Variants in EYA4 observed in about 807,000 individuals in gnomAD.
EYA4 encodes EYA transcriptional coactivator and phosphatase 4.
EYA4 carries 31 observed loss-of-function variants against 87.9 expected under a neutral mutation model. That is an observed-to-expected ratio of 0.35 (90% CI 0.27 to 0.48). The LOEUF (loss-of-function observed/expected upper bound fraction) is 0.48. EYA4 is among the 20% of genes least tolerant of loss of function. The probability of loss-of-function intolerance (pLI) is 0.99; values close to 1 mark genes in which losing one functional copy is unlikely to be tolerated. For missense variants in EYA4, 678 were observed against 761.4 expected, an observed-to-expected ratio of 0.89 and a Z score of 1.29; for synonymous variants, 263 against 270.6, an observed-to-expected ratio of 0.97 and a Z score of 0.28.
chr6:133,508,803 T>C (rs544857364), intron 14 of EYA4, among the ~76,000 whole-genome samples: 1 of 152,300 alleles, frequency 6.6e-6, no homozygotes, highest in South Asian at 2.1e-4. Context: ...TCAGGTACTA[T>C]GTTATATGTA....
chr6:133,325,976 C>A (rs1426272431), intron 2 of EYA4, among the ~76,000 whole-genome samples: 1 of 152,060 alleles, frequency 6.6e-6, no homozygotes, highest in African/African-American at 2.4e-5. Flanking sequence ...CTACAGGTTC[C>A]TGTTTGTTCC....
At chr6:133,478,160 A>ACTGT (rs750798451) in intron 11 of EYA4, among the ~76,000 whole-genome samples, 6 of 152,142 alleles carry the variant, frequency 3.9e-5, no homozygotes, top group Non-Finnish European at 7.4e-5. Context: ...GTAAATTAAT[A>ACTGT]CTGTCTTTAA....
intron 2 of EYA4, among the ~76,000 whole-genome samples, chr6:133,302,581 G>T (rs1779495387): frequency 6.6e-6 from 1 of 152,254 alleles, no homozygotes; most frequent in African/African-American, 2.4e-5. Context: ...CTTAGCTTCT[G>T]CAATGAAGTT....
chr6:133,409,567 T>G (rs1789025997), intron 3 of EYA4, among the ~76,000 whole-genome samples: 2 of 152,200 alleles, frequency 1.3e-5, no homozygotes, highest in South Asian at 4.1e-4. Context: ...AGAGGGCTAT[T>G]AAGCTGTTGA....
At chr6:133,299,955 CTATA>C (rs1016744513) in intron 2 of EYA4, among the ~76,000 whole-genome samples, 1,149 of 106,212 alleles carry the variant, frequency 0.011, 11 homozygotes, top group African/African-American at 0.023. Flanking sequence ...ATCTATCTAT[CTATA>C]TATATATATA....
At chr6:133,514,459 A>G (rs1431012922) in intron 16 of EYA4, among the ~76,000 whole-genome samples, 2 of 152,210 alleles carry the variant, frequency 1.3e-5, no homozygotes. Context: ...TAGAAACTTT[A>G]AACAACCACG....
At position 133,411,301 on chromosome 6, in the gene EYA4, A is replaced by C. The variant is rs184810164; in HGVS notation, c.83+28860A>C. ...GCAGTGCTGAGTGAAATAGTTAATA[A>C]ATTTTTATGGAGCGGGACCCAATTA... On this transcript the variant is annotated intron_variant, in intron 3 of 19. Transcript: ENST00000355286. Among the ~76,000 whole-genome samples the C allele has an allele frequency of 2.6e-5, 4 of 152,250 alleles. No individual in the cohort carries two copies. In the East Asian group the frequency reaches 7.7e-4, roughly 29 times the overall value.
chr6:133,383,784 G>T (rs1042399308), intron 3 of EYA4, among the ~76,000 whole-genome samples: 1 of 151,958 alleles, frequency 6.6e-6, no homozygotes, highest in Non-Finnish European at 1.5e-5. Context: ...TATCAAAATG[G>T]AACTAACTAA....
At chr6:133,413,301 A>G (rs1335530670) in intron 3 of EYA4, among the ~76,000 whole-genome samples, 4 of 152,056 alleles carry the variant, frequency 2.6e-5, no homozygotes, top group Non-Finnish European at 5.9e-5. Flanking sequence ...CCTGACTCCC[A>G]CTTCACGGAT....
intron 19 of EYA4, chr6:133,526,078 A>T (rs1800609147): frequency 4.6e-6 from 1 of 215,116 alleles, no homozygotes. Flanking sequence ...ATTAAAAACC[A>T]TTAAATGGTT....
chr6:133,393,292 T>C (rs1787464187), intron 3 of EYA4, among the ~76,000 whole-genome samples: 1 of 152,150 alleles, frequency 6.6e-6, no homozygotes, highest in Admixed American at 6.5e-5. Flanking sequence ...ATTCTCCCCC[T>C]TAAAGGTACT....
intron 2 of EYA4, among the ~76,000 whole-genome samples, chr6:133,358,481 A>G (rs1184302323): frequency 1.3e-5 from 2 of 152,236 alleles, no homozygotes; most frequent in Non-Finnish European, 2.9e-5. Context: ...ATTCACAGTG[A>G]AAAGGAATCA....
chr6:133,271,163 G>C (rs761994918), intron 1 of EYA4, among the ~76,000 whole-genome samples: 2 of 152,116 alleles, frequency 1.3e-5, no homozygotes, highest in Non-Finnish European at 2.9e-5. Flanking sequence ...GAGAGACAGT[G>C]CCATATATTG....
intron 2 of EYA4, among the ~76,000 whole-genome samples, chr6:133,365,225 C>G (rs1310986250): frequency 6.6e-6 from 1 of 152,162 alleles, no homozygotes; most frequent in East Asian, 1.9e-4. Context: ...AACCTTGTAT[C>G]CTTGAGTCTT....
At chr6:133,264,570 T>G (rs1296374702) in intron 1 of EYA4, among the ~76,000 whole-genome samples, 1 of 152,150 alleles carries the variant, frequency 6.6e-6, no homozygotes, top group Non-Finnish European at 1.5e-5. Flanking sequence ...TTTGGAGGTA[T>G]TGGTAGGACT....
At chr6:133,512,832 T>C in intron 15 of EYA4, 46 bp from the exon 16 acceptor site, 2 of 1,613,050 alleles carry the variant, frequency 1.2e-6, no homozygotes, top group Non-Finnish European at 1.7e-6. Flanking sequence ...GCTGTGGAGT[T>C]TTGCACATGT....
intron 13 of EYA4, among the ~76,000 whole-genome samples, chr6:133,491,839 C>T (rs1315168907): frequency 1.3e-5 from 2 of 150,764 alleles, no homozygotes; most frequent in East Asian, 2.0e-4. Context: ...GTAGTTCCAG[C>T]TACTCGGGAG....
intron 2 of EYA4, among the ~76,000 whole-genome samples, chr6:133,302,050 G>A (rs1029202934): frequency 6.6e-6 from 1 of 152,122 alleles, no homozygotes; most frequent in African/African-American, 2.4e-5. Flanking sequence ...GGGGAAGTGA[G>A]GACAGAATTT....
In EYA4 at chr6:133,528,863, T is replaced by TAC; in HGVS notation, c.*58_*59insAC. 1 of 1,611,176 alleles carries TAC rather than the reference T, an allele frequency of 6.2e-7. No homozygotes were observed. The highest frequency in any genetic ancestry group is 8.5e-7 in the Non-Finnish European group (1 of 1,177,922). ...ATTTCAAGTACACTGAATTTTTATG[T>TAC]GTGATTCAATGCCTCTGGCTCTACA... On this transcript the variant is annotated 3_prime_UTR_variant, in exon 20 of 20. Coordinates refer to ENST00000355286, the MANE Select transcript of EYA4 (RefSeq NM_004100.5).
Sources: allele counts gnomAD v4.1 joint callset (sites outside exome capture counted in the v4.1 genomes callset), GRCh38; gene constraint gnomAD v4.1.1; transcripts MANE v1.5; gene names NCBI Gene and HGNC (gene_info 2026-07-23, HGNC 2026-07-21).